HIP1: variants seen among roughly 807,000 people sequenced by gnomAD.
The protein encoded by HIP1 is huntingtin-interacting protein 1.
A neutral mutation model predicts 147.6 loss-of-function variants in HIP1; 65 were observed. That is an observed-to-expected ratio of 0.44 (90% confidence interval 0.36 to 0.54). The LOEUF (loss-of-function observed/expected upper bound fraction) is 0.54. Among genes scored for constraint, HIP1 ranks in the 20% least tolerant of loss-of-function variants. The pLI, the probability that HIP1 is intolerant of heterozygous loss-of-function variation, is 0.00. For missense variants in HIP1, 1,061 were observed against 1,299.6 expected, an observed-to-expected ratio of 0.82 and a Z score of 2.82; for synonymous variants, 479 against 504.0, an observed-to-expected ratio of 0.95 and a Z score of 0.67.
At chr7:75,585,224 G>A (rs1433059280) in intron 5 of HIP1, among the ~76,000 whole-genome samples, 117 of 125,028 alleles carry the variant, frequency 9.4e-4, no homozygotes, top group Non-Finnish European at 9.2e-4. Flanking sequence ...TTGCTCTGTC[G>A]CCCAGTCTGG....
chr7:75,564,127 A>G (rs1475763495), intron 9 of HIP1, among the ~76,000 whole-genome samples: 1 of 152,088 alleles, frequency 6.6e-6, no homozygotes, highest in Non-Finnish European at 1.5e-5. Context: ...CCTGGCTTCA[A>G]GCAATCCTAC....
intron 9 of HIP1, among the ~76,000 whole-genome samples, chr7:75,565,784 T>C (rs1795380918): frequency 1.3e-5 from 2 of 151,336 alleles, no homozygotes; most frequent in Non-Finnish European, 2.9e-5. Context: ...CAAGCTGTAG[T>C]GCAGTGGCAT....
intron 1 of HIP1, among the ~76,000 whole-genome samples, chr7:75,662,144 G>C (rs1006051410): frequency 1.3e-5 from 2 of 151,852 alleles, no homozygotes; most frequent in South Asian, 2.1e-4. Context: ...AATCAGAGAT[G>C]ATGAGGAGGC....
Position 75,578,712 on chromosome 7 carries a change from G to A in HIP1, c.604+2525C>T, listed in dbSNP as rs143879929. Among the ~76,000 whole-genome samples, 12 of 152,180 alleles carry A rather than the reference G, an allele frequency of 7.9e-5. 1 individual carries two copies. The Middle Eastern group carries it at 0.01, about 129-fold the overall frequency. On this transcript the variant is annotated intron_variant, in intron 7 of 30. Coordinates refer to ENST00000336926, the MANE Select transcript of HIP1 (RefSeq NM_005338.7). The stretch of plus-strand genomic sequence containing the variant: ...CAACAAAAAAGTGAAAGCTAAATGC[G>A]AATGAATTCTGAATTATCCACATAC...
chr7:75,623,944 C>A (rs1797943233), intron 1 of HIP1, among the ~76,000 whole-genome samples: 1 of 152,094 alleles, frequency 6.6e-6, no homozygotes, highest in Non-Finnish European at 1.5e-5. Context: ...TGCCTATAGT[C>A]ATAGCTACAT....
intron 1 of HIP1, among the ~76,000 whole-genome samples, chr7:75,602,705 T>A (rs1056123283): frequency 5.3e-5 from 8 of 151,744 alleles, no homozygotes; most frequent in African/African-American, 1.7e-4. Context: ...CCTTATATAT[T>A]TTCTTCTCCT....
At chr7:75,684,140 T>C (rs1800180677) in intron 1 of HIP1, among the ~76,000 whole-genome samples, 1 of 151,578 alleles carries the variant, frequency 6.6e-6, no homozygotes, top group Admixed American at 6.6e-5. Context: ...TCCATCTCTA[T>C]ATTAAACAAA....
At chr7:75,613,030 G>C (rs1797501822) in intron 1 of HIP1, among the ~76,000 whole-genome samples, 1 of 151,922 alleles carries the variant, frequency 6.6e-6, no homozygotes, top group Admixed American at 6.6e-5. Context: ...CTTGAGCCCA[G>C]AAGTTCAAGG....
intron 1 of HIP1, among the ~76,000 whole-genome samples, chr7:75,693,073 G>A (rs1563297186): frequency 1.3e-5 from 2 of 151,624 alleles, no homozygotes; most frequent in Non-Finnish European, 2.9e-5. Context: ...GCTGAGGCAC[G>A]AGAATCACTT....
At chr7:75,591,992 G>A (rs1796515575) in intron 4 of HIP1, 64 bp downstream of exon 4, 7 of 1,274,160 alleles carry the variant, frequency 5.5e-6, no homozygotes, top group Non-Finnish European at 8.0e-6. Flanking sequence ...TCCAGTCCTT[G>A]CTCTGTGGCC....
At chr7:75,662,498 T>C (rs1799352800) in intron 1 of HIP1, among the ~76,000 whole-genome samples, 1 of 152,010 alleles carries the variant, frequency 6.6e-6, no homozygotes, top group African/African-American at 2.4e-5. Flanking sequence ...TTTTATTTAT[T>C]TTATTTTATT....
At chr7:75,547,161 G>A (rs1563192675) in intron 24 of HIP1, 129 bp from the exon 25 acceptor site, 2 of 735,168 alleles carry the variant, frequency 2.7e-6, no homozygotes, top group East Asian at 2.7e-5. Context: ...GGGTGCTGAG[G>A]TTGCTGGAAC....
In HIP1 at chr7:75,582,072, T is replaced by TA; in HGVS notation, c.542+2dup. The TA allele has an allele frequency of 6.2e-7, 1 of 1,613,084 alleles. No individual in the cohort carries two copies. The highest frequency in any genetic ancestry group is 1.1e-5 in the South Asian group (1 of 90,938). The stretch of plus-strand genomic sequence containing the variant: ...CCCTGGGCTCAGGGCAGGAGCCACT[T>TA]ACAAGTTGTTCACGTCACTTTCTCC... On this transcript the variant is annotated splice_region_variant and intron_variant, in intron 6 of 30. Transcript: ENST00000336926.
At chr7:75,723,467 A>G (rs1321003693) in intron 1 of HIP1, among the ~76,000 whole-genome samples, 1 of 152,176 alleles carries the variant, frequency 6.6e-6, no homozygotes, top group Non-Finnish European at 1.5e-5. Flanking sequence ...TTGGGGCATC[A>G]ACAGCCCTGT....
At position 75,555,502 on chromosome 7, in the gene HIP1, C is replaced by T. The variant is rs1554493074; in HGVS notation, c.1877G>A (p.Gly626Glu). 1.9e-6 allele frequency: 3 copies of T among 1,614,080 alleles called. No individual in the cohort carries two copies. The highest frequency in any genetic ancestry group is 2.5e-6 in the Non-Finnish European group (3 of 1,180,042). The change falls in exon 19 of 31, where the codon GGG becomes GAG. Residue 626 changes from glycine to glutamate, a missense_variant. Gly to Glu is a moderately conservative substitution (Grantham distance 98, BLOSUM62 -2). Coordinates refer to ENST00000336926, the MANE Select transcript of HIP1 (RefSeq NM_005338.7). ...AKDQRKMLLV[G>E]SRKAAEQVIQ... The stretch of plus-strand genomic sequence containing the variant: ...CACCTGCTCCGCAGCCTTCCTGGAC[C>T]CCACCAGAAGCATTTTTCGTTGGTC...
intron 1 of HIP1, among the ~76,000 whole-genome samples, chr7:75,648,073 G>T (rs1798860758): frequency 6.6e-6 from 1 of 152,238 alleles, no homozygotes; most frequent in South Asian, 2.1e-4. Context: ...AGCCAGCCAG[G>T]CAAAGACAGA....
At chr7:75,640,626 G>A (rs984404999) in intron 1 of HIP1, among the ~76,000 whole-genome samples, 15 of 151,876 alleles carry the variant, frequency 9.9e-5, no homozygotes, top group Admixed American at 4.6e-4. Context: ...GGTGGTGTGC[G>A]CCTATAATCC....
chr7:75,721,885 T>C (rs1404225243), intron 1 of HIP1, among the ~76,000 whole-genome samples: 1 of 152,172 alleles, frequency 6.6e-6, no homozygotes, highest in Non-Finnish European at 1.5e-5. Flanking sequence ...CAGGATCCCA[T>C]GTGCAAGCTA....
At chr7:75,546,165 C>T (rs191022569) in intron 25 of HIP1, among the ~76,000 whole-genome samples, 64 of 150,306 alleles carry the variant, frequency 4.3e-4, no homozygotes, top group Admixed American at 1.9e-3. Context: ...CCACTCTCTG[C>T]GATTTGCCAA....
Sources: allele counts gnomAD v4.1 joint callset (sites outside exome capture counted in the v4.1 genomes callset), GRCh38; gene constraint gnomAD v4.1.1; transcripts MANE v1.5; gene names NCBI Gene and HGNC (gene_info 2026-07-23, HGNC 2026-07-21).